CSF2RA: variants seen among roughly 807,000 people sequenced by gnomAD.
The protein encoded by CSF2RA is colony stimulating factor 2 receptor subunit alpha, also known as granulocyte-macrophage colony-stimulating factor receptor subunit alpha.
Under a neutral mutation model 51.6 loss-of-function variants are expected in CSF2RA, and 42 were observed. The observed-to-expected ratio is 0.81, with a 90% CI of 0.64 to 1.05. The LOEUF is 1.05. CSF2RA is among the 50% of genes least tolerant of loss of function. The pLI is 0.00. For missense variants in CSF2RA, 530 were observed against 501.1 expected (o/e 1.06, Z -0.55); for synonymous variants, 222 against 193.0 (o/e 1.15, Z -1.24).
chrX:1,306,462 C>A (rs2083576842), intron 12 of CSF2RA, among the ~76,000 whole-genome samples: 1 of 151,940 alleles, frequency 6.6e-6, no homozygotes, highest in South Asian at 2.1e-4. Flanking sequence ...GCCTGACCAA[C>A]CTGAAGAAAC....
At chrX:1,289,704 TTTTG>T (rs1241934425) in intron 6 of CSF2RA, among the ~76,000 whole-genome samples, 1 of 151,796 alleles carries the variant, frequency 6.6e-6, no homozygotes, top group Non-Finnish European at 1.5e-5. Context: ...TTTTGTGTTT[TTTTG>T]TTTGTGTTTT....
At position 1,280,542 on chromosome X, in the gene CSF2RA, C is replaced by CA. The variant is rs2089778176; in HGVS notation, c.-26-2133dup. On this transcript the variant is annotated intron_variant, in intron 2 of 12. Coordinates refer to ENST00000381529, the MANE Select transcript of CSF2RA (RefSeq NM_172245.4). ...TTTGGTCCATAAAGGCGGGACAACT[C>CA]AAAGTGGGGGCTTCCAGGCTATAAA... Among the ~76,000 whole-genome samples, 6 of 151,260 alleles carry CA rather than the reference C, an allele frequency of 4.0e-5. No individual in the cohort carries two copies. In the East Asian group the frequency reaches 1.2e-3, roughly 29 times the overall value.
In CSF2RA at chrX:1,302,096, A is replaced by G. The variant is rs1381886776; in HGVS notation, c.946+1470A>G. 3.4e-4 allele frequency among the ~76,000 whole-genome samples: 51 copies of G among 150,412 alleles called. 1 individual carries two copies. Among genetic ancestry groups the G allele is most frequent in the Non-Finnish European group, 5.9e-4 (40 of 67,654 alleles). ...CACACCCGGCTAATTTTGTATTTTT[A>G]GTAGAGACGGGGTTTCACCATGTTG... On this transcript the variant is annotated intron_variant, in intron 10 of 12. Coordinates refer to ENST00000381529, the MANE Select transcript of CSF2RA (RefSeq NM_172245.4).
chrX:1,284,997 C>T (rs2090473893), intron 3 of CSF2RA, among the ~76,000 whole-genome samples: 1 of 151,856 alleles, frequency 6.6e-6, no homozygotes, highest in African/African-American at 2.4e-5. Context: ...GTAAACATCT[C>T]CATGTGGAGA....
intron 8 of CSF2RA, among the ~76,000 whole-genome samples, chrX:1,295,010 C>T (rs1204018512): frequency 2.3e-5 from 1 of 42,918 alleles, no homozygotes; most frequent in Non-Finnish European, 5.4e-5. Context: ...AAGAGGAGAT[C>T]TTGTCTCACA....
intron 12 of CSF2RA, among the ~76,000 whole-genome samples, chrX:1,307,951 TC>T (rs1442420740): frequency 1.4e-5 from 2 of 144,086 alleles, no homozygotes; most frequent in African/African-American, 2.6e-5. Flanking sequence ...AGCCCACCCT[TC>T]CCCCCTTCCC....
In CSF2RA at chrX:1,282,716, G is replaced by A; in HGVS notation, c.13G>A (p.Val5Met). MLLL[V>M]TSLLLCELPH... ...TCTGACCAGCACCATGCTTCTCCTGGTGACAAGCCTTCTGCTCTGTGAGTT... is the reference window on the plus strand; with the variant it reads ...TCTGACCAGCACCATGCTTCTCCTGATGACAAGCCTTCTGCTCTGTGAGTT... Residue 5 changes from valine (V) to methionine (M), a missense_variant, in exon 3 of 13, where the codon GTG becomes ATG. Transcript: ENST00000381529. 1 of 1,613,556 alleles carries A rather than the reference G, an allele frequency of 6.2e-7. No individual in the cohort carries two copies. Among genetic ancestry groups the A allele is most frequent in the Non-Finnish European group, 8.5e-7 (1 of 1,179,600 alleles).
chrX:1,315,178 G>C (rs2084521981), downstream of CSF2RA, among the ~76,000 whole-genome samples: 2 of 152,102 alleles, frequency 1.3e-5, no homozygotes, highest in African/African-American at 4.8e-5. Context: ...GTGGAGAAAA[G>C]AGAGGGAGGG....
rs1443798206 is a variant in CSF2RA, at chrX:1,284,195, C to CTCTTTTTTTTTTTTTTTTTTT, written c.76+1417_76+1418insCTTTTTTTTTTTTTTTTTTTT. Among the ~76,000 whole-genome samples, 2 of 91,750 alleles carry CTCTTTTTTTTTTTTTTTTTTT rather than the reference C, an allele frequency of 2.2e-5. 1 individual carries two copies. Among genetic ancestry groups the CTCTTTTTTTTTTTTTTTTTTT allele is most frequent in the African/African-American group, 7.9e-5 (2 of 25,370 alleles). 60.2% of individuals were successfully genotyped at this position (91,750 alleles called of 152,430 possible). On this transcript the variant is annotated intron_variant, in intron 3 of 12. Transcript: ENST00000381529. ...CAAGCGGTTTTCTTTCTCTGTCTCT[C>CTCTTTTTTTTTTTTTTTTTTT]TTTTTTTTTTTTTTTTTTTTTTTTT...
chrX:1,304,980 T>C (rs1199519735), intron 11 of CSF2RA, among the ~76,000 whole-genome samples: 1 of 147,754 alleles, frequency 6.8e-6, no homozygotes, highest in Non-Finnish European at 1.5e-5. Flanking sequence ...CCTTAAGATG[T>C]TTGTCATTTG....
At chrX:1,289,451 T>C (rs1420433841) in intron 6 of CSF2RA, among the ~76,000 whole-genome samples, 1 of 152,106 alleles carries the variant, frequency 6.6e-6, no homozygotes, top group Non-Finnish European at 1.5e-5. Flanking sequence ...TGTTGTTTTG[T>C]TTTGTGTTTT....
intron 1 of CSF2RA, among the ~76,000 whole-genome samples, chrX:1,270,766 C>G (rs1246227314): frequency 6.6e-6 from 1 of 151,144 alleles, no homozygotes; most frequent in African/African-American, 2.4e-5. Context: ...TGGAGTCCCT[C>G]TAAGCTGGGC....
intron 3 of CSF2RA, among the ~76,000 whole-genome samples, chrX:1,283,658 C>T (rs2090316144): frequency 6.6e-6 from 1 of 151,696 alleles, no homozygotes; most frequent in African/African-American, 2.4e-5. Context: ...AACTCAGCCT[C>T]CCGGGTTCAA....
At chrX:1,305,327 A>C in intron 11 of CSF2RA, 119 bp from the exon 12 acceptor site, 2 of 1,125,614 alleles carry the variant, frequency 1.8e-6, no homozygotes, top group Non-Finnish European at 2.7e-6. Flanking sequence ...TTCTTAGTGA[A>C]GTTTTGCATA....
At position 1,288,692 on chromosome X, in the gene CSF2RA, C is replaced by T. The variant is rs183840941; in HGVS notation, c.343+50C>T. The T allele has an allele frequency of 0.013, 20,341 of 1,613,872 alleles. 225 individuals are homozygous for T. The highest frequency in any genetic ancestry group is 0.014 in the Non-Finnish European group (15,930 of 1,179,826). On this transcript the variant is annotated intron_variant, in intron 5 of 12. Coordinates refer to ENST00000381529, the MANE Select transcript of CSF2RA (RefSeq NM_172245.4). The stretch of plus-strand genomic sequence containing the variant: ...GTTTACAGCACTGGCCCCACCACCC[C>T]GCCAGCATCAAAGTACATCCCGTTG...
At chrX:1,324,122 T>C in the CSF2RA span, among the ~76,000 whole-genome samples, 4 of 151,390 alleles carry the variant, frequency 2.6e-5, no homozygotes, top group Admixed American at 6.6e-5. Flanking sequence ...GAGGTGGAGG[T>C]TGCAGTAAGC....
intron 6 of CSF2RA, 148 bp from the exon 7 acceptor site, chrX:1,290,189 G>T (rs1219651280): frequency 6.6e-6 from 4 of 610,230 alleles, no homozygotes; most frequent in Non-Finnish European, 1.1e-5. Flanking sequence ...TTGTGTTTTT[G>T]TGGGTTTTTT....
rs376787746 is a variant in CSF2RA, at chrX:1,288,478, G to A, written c.220-41G>A. Reference sequence around the variant, plus strand: ...GCCTGGGAGACTGTAGGAGACAGAAGGTTGTTTCCTAATCGGCTCTGTCTG... The same window carrying A: ...GCCTGGGAGACTGTAGGAGACAGAAAGTTGTTTCCTAATCGGCTCTGTCTG... On this transcript the variant is annotated intron_variant, in intron 4 of 12. Coordinates refer to ENST00000381529, the MANE Select transcript of CSF2RA (RefSeq NM_172245.4). 1.2e-5 allele frequency: 19 copies of A among 1,613,412 alleles called. No homozygotes were observed. The African/African-American group carries it at 2.5e-4, about 22-fold the overall frequency.
chrX:1,314,871 C>T (rs1163997058), downstream of CSF2RA, among the ~76,000 whole-genome samples: 2 of 81,084 alleles, frequency 2.5e-5, 1 homozygote, highest in African/African-American at 8.3e-5. Flanking sequence ...TGCCCAACCG[C>T]ACTGCACCTG....
Sources: gnomAD v4.1 joint callset for allele counts (sites outside exome capture counted in the v4.1 genomes callset) on GRCh38, gnomAD v4.1.1 for gene constraint, MANE v1.5 for transcripts, NCBI Gene and HGNC (gene_info 2026-07-23, HGNC 2026-07-21) for gene names.